Variants in ELP1 observed in about 807,000 individuals in gnomAD.
The protein encoded by ELP1 is elongator complex protein 1.
In ELP1, 131 loss-of-function variants were observed where a neutral mutation model predicts 183.2. The observed-to-expected ratio is 0.72, with a 90% CI of 0.62 to 0.83. The LOEUF (loss-of-function observed/expected upper bound fraction) is 0.83, where lower values mean the gene tolerates loss of function less well. Ranked by LOEUF, ELP1 falls within the 40% of genes least tolerant of loss-of-function variation. The pLI, the probability that ELP1 is intolerant of heterozygous loss-of-function variation, is 0.00. For synonymous variants in ELP1, 555 were observed against 569.0 expected (o/e 0.98, Z 0.35); for missense variants, 1,550 against 1,594.9 (o/e 0.97, Z 0.48).
chr9:108,897,750 G>A (rs1828613502), intron 22 of ELP1, among the ~76,000 whole-genome samples: 1 of 152,198 alleles, frequency 6.6e-6, no homozygotes, highest in African/African-American at 2.4e-5. Context: ...GTTGCCTGGG[G>A]AATGGGACAG....
chr9:108,932,665 T>C (rs1423306306), intron 1 of ELP1, among the ~76,000 whole-genome samples: 1 of 151,972 alleles, frequency 6.6e-6, no homozygotes, highest in African/African-American at 2.4e-5. Context: ...TTAAACATCA[T>C]AAAAACGCCT....
intron 28 of ELP1, chr9:108,889,743 A>ATGCAG (rs1438387078): frequency 2.8e-6 from 1 of 354,930 alleles, no homozygotes; most frequent in African/African-American, 2.1e-5. Context: ...TGTTTGAGTC[A>ATGCAG]TGCAGTGTCT....
At chr9:108,889,807 C>A in intron 28 of ELP1, 1 of 247,554 alleles carries the variant, frequency 4.0e-6, no homozygotes, top group Non-Finnish European at 7.9e-6. Context: ...ATGAGAGGCA[C>A]AGAGAACCCA....
At chr9:108,919,986 T>C (rs1218274943) in intron 6 of ELP1, among the ~76,000 whole-genome samples, 1 of 152,178 alleles carries the variant, frequency 6.6e-6, no homozygotes, top group East Asian at 1.9e-4. Flanking sequence ...GCTAGTACTG[T>C]ACTGTAGTCT....
chr9:108,903,333 T>C (rs1211576170), intron 15 of ELP1, among the ~76,000 whole-genome samples: 1 of 152,120 alleles, frequency 6.6e-6, no homozygotes, highest in Non-Finnish European at 1.5e-5. Context: ...GGTGTTTGGT[T>C]TTTTGTCCCT....
intron 16 of ELP1, 148 bp from the exon 17 acceptor site, chr9:108,901,829 T>C (rs1453274040): frequency 5.1e-6 from 4 of 783,462 alleles, no homozygotes; most frequent in Non-Finnish European, 8.8e-6. Flanking sequence ...ACGTGGCTGG[T>C]CCAGTGCAAA....
At chr9:108,896,372 T>A (rs535279052) in intron 25 of ELP1, 124 bp downstream of exon 25, 3 of 859,714 alleles carry the variant, frequency 3.5e-6, no homozygotes, top group Non-Finnish European at 5.8e-6. Context: ...AACTCACAGA[T>A]CTGTCTCCAG....
chr9:108,930,044 T>C (rs1224300663), intron 2 of ELP1, 123 bp from the exon 3 acceptor site: 1 of 1,163,146 alleles, frequency 8.6e-7, no homozygotes, highest in African/African-American at 1.5e-5. Context: ...ATATTTTTTC[T>C]AGATGAAAAT....
At chr9:108,922,770 A>G (rs1012757062) in intron 6 of ELP1, 72 bp downstream of exon 6, 4 of 1,131,490 alleles carry the variant, frequency 3.5e-6, no homozygotes, top group African/African-American at 1.5e-5. Flanking sequence ...AGTGGACACC[A>G]AAGAGTTCCT....
Position 108,878,113 on chromosome 9 carries a change from A to G in ELP1, c.3737T>C (p.Phe1246Ser), listed in dbSNP as rs764373685. 11 of 1,611,492 alleles carry G rather than the reference A, an allele frequency of 6.8e-6. No homozygotes were observed. The East Asian group carries it at 2.2e-4, about 33-fold the overall frequency. ...VYHILKVLFL[F>S]EFDEQGRELQ... ...TTCCCTTCCTTGTTCATCAAACTCA[A>G]AGAGAAAGAGTACCTTTAAAATATG... The change falls in exon 35 of 37, where the codon TTT becomes TCT. Residue 1246 changes from phenylalanine to serine, a missense_variant. Transcript: ENST00000374647.
chr9:108,875,068 C>G, intron 35 of ELP1, 98 bp from the exon 36 acceptor site: 3 of 803,126 alleles, frequency 3.7e-6, no homozygotes, highest in Non-Finnish European at 6.7e-6. Context: ...AACAGCCTGT[C>G]ATTTCTACTG....
intron 36 of ELP1, among the ~76,000 whole-genome samples, chr9:108,871,008 A>G (rs968769902): frequency 7.8e-6 from 1 of 127,528 alleles, no homozygotes; most frequent in East Asian, 2.1e-4. Flanking sequence ...CAGATCCACA[A>G]TCTTTTTCAT....
chr9:108,927,232 G>C lies in ELP1; in HGVS notation c.385+140C>G, dbSNP rs1386180086. 8.4e-6 allele frequency: 6 copies of C among 712,828 alleles called. No individual in the cohort carries two copies. The East Asian group carries it at 1.6e-4, about 19-fold the overall frequency. The allele number at this position is 712,828 out of a possible 1,614,324, so 44.2% of individuals were successfully genotyped here. ...ATATACACACACACATACATAATTGGTATTATACTGGTTCATAATTGGTAT... is the reference window on the plus strand; with the variant it reads ...ATATACACACACACATACATAATTGCTATTATACTGGTTCATAATTGGTAT... On this transcript the variant is annotated intron_variant, in intron 4 of 36. Transcript: ENST00000374647.
chr9:108,878,638 T>C lies in ELP1; in HGVS notation c.3685A>G (p.Thr1229Ala), dbSNP rs1220313076. The C allele has an allele frequency of 1.2e-6, 2 of 1,614,116 alleles. No individual in the cohort carries two copies. Among genetic ancestry groups the C allele is most frequent in the Non-Finnish European group, 1.7e-6 (2 of 1,180,052 alleles). The change falls in exon 34 of 37, where the codon ACT becomes GCT. Residue 1229 changes from threonine to alanine, a missense_variant. By Grantham distance (58) the Thr-to-Ala change is moderately conservative (BLOSUM62 0). Transcript: ENST00000374647. ...LEALSEVVQN[T>A]ENLKDEVYHI... is the part of the protein sequence containing the mutation. ...GAGAATATACCTTTCAGGTTTTCAG[T>C]GTTCTGCACCACTTCACTCAGTGCC...
intron 36 of ELP1, among the ~76,000 whole-genome samples, chr9:108,871,825 C>G (rs1456377671): frequency 3.3e-5 from 5 of 152,192 alleles, no homozygotes; most frequent in Non-Finnish European, 7.3e-5. Flanking sequence ...CACATAAAAG[C>G]TGCATCTTCA....
At position 108,902,908 on chromosome 9, in the gene ELP1, G is replaced by T; in HGVS notation, c.1785C>A (p.Asn595Lys). The change falls in exon 16 of 37, where the codon AAC becomes AAA. Residue 595 changes from asparagine to lysine, a missense_variant. Asn to Lys is a moderately conservative substitution (Grantham distance 94). Transcript: ENST00000374647. The stretch of plus-strand genomic sequence containing the variant: ...GAAACCGAACAGGAAATCCACCAGA[G>T]TTCTTCCATGGTTTAATAGCCAGAG... The part of the protein sequence containing the change: ...SPSLAIKPWK[N>K]SGGFPVRFPY... 6.2e-7 allele frequency: 1 copy of T among 1,613,954 alleles called. No homozygotes were observed. Among genetic ancestry groups the T allele is most frequent in the Admixed American group, 1.7e-5 (1 of 60,014 alleles).
intron 14 of ELP1, 99 bp downstream of exon 14, chr9:108,906,204 C>T (rs1262137509): frequency 4.3e-6 from 5 of 1,174,786 alleles, no homozygotes; most frequent in Non-Finnish European, 6.3e-6. Context: ...TACTGCTCCT[C>T]AACCTTGATC....
chr9:108,879,394 T>C, intron 33 of ELP1, 52 bp downstream of exon 33: 1 of 1,367,102 alleles, frequency 7.3e-7, no homozygotes, highest in Non-Finnish European at 1.0e-6. Flanking sequence ...TGCTTCCACT[T>C]TCCCTATATG....
At chr9:108,908,649 CA>C (rs1297833564) in intron 12 of ELP1, among the ~76,000 whole-genome samples, 1 of 152,240 alleles carries the variant, frequency 6.6e-6, no homozygotes, top group Non-Finnish European at 1.5e-5. Flanking sequence ...GTGCTGTGGA[CA>C]ATTTCCTCCA....
Sources: gnomAD v4.1 joint callset for allele counts (sites outside exome capture counted in the v4.1 genomes callset) on GRCh38, gnomAD v4.1.1 for gene constraint, MANE v1.5 for transcripts, NCBI Gene and HGNC (gene_info 2026-07-23, HGNC 2026-07-21) for gene names.